The following PREX1 variants were observed in gnomAD, a reference collection of about 807,000 sequenced individuals.
PREX1 encodes the protein phosphatidylinositol 3,4,5-trisphosphate-dependent Rac exchanger 1 protein.
PREX1 carries 41 observed loss-of-function variants against 198.3 expected under a neutral mutation model. The observed-to-expected ratio is 0.21, with a 90% CI of 0.16 to 0.27. The LOEUF (loss-of-function observed/expected upper bound fraction) is 0.27. PREX1 is among the 10% of genes least tolerant of loss of function. PREX1 has a pLI of 1.00. For synonymous variants in PREX1, 843 were observed against 887.2 expected, an observed-to-expected ratio of 0.95 and a Z score of 0.89; for missense variants, 1,620 against 2,200.7, an observed-to-expected ratio of 0.74 and a Z score of 5.28.
In PREX1 at chr20:48,684,819, G is replaced by T. The variant is rs565093338; in HGVS notation, c.1335-3484C>A. Among the ~76,000 whole-genome samples the T allele has an allele frequency of 6.6e-6, 1 of 152,278 alleles. No homozygotes were observed. The highest frequency in any genetic ancestry group is 1.5e-5 in the Non-Finnish European group (1 of 68,022). Reference sequence around the variant, plus strand: ...TGCCCCTCTGACCACTCAGGCTCCAGCCACAATGGCCTCCTCCTGTTCCAC... The same window carrying T: ...TGCCCCTCTGACCACTCAGGCTCCATCCACAATGGCCTCCTCCTGTTCCAC... On this transcript the variant is annotated intron_variant, in intron 10 of 39. Coordinates refer to ENST00000371941, the MANE Select transcript of PREX1 (RefSeq NM_020820.4). The surrounding 1 kb of genome is among the most constrained non-coding windows in gnomAD (Gnocchi z 4.2).
chr20:48,860,484 G>T, the PREX1 span, among the ~76,000 whole-genome samples: 1 of 152,148 alleles, frequency 6.6e-6, no homozygotes, highest in Non-Finnish European at 1.5e-5. Context: ...TACTTAACGC[G>T]TCTGAACTGT....
chr20:48,797,884 G>C (rs1297844722), intron 1 of PREX1, among the ~76,000 whole-genome samples: 1 of 152,194 alleles, frequency 6.6e-6, no homozygotes. Context: ...CCAGTGCTCA[G>C]ACCCTCAAGA....
intron 1 of PREX1, among the ~76,000 whole-genome samples, chr20:48,795,757 C>A (rs187100158): frequency 6.6e-6 from 1 of 152,176 alleles, no homozygotes; most frequent in Non-Finnish European, 1.5e-5. Flanking sequence ...TCCAGACATA[C>A]ACATCCCATG....
At chr20:48,710,447 G>A (rs984770470) in intron 5 of PREX1, among the ~76,000 whole-genome samples, 1 of 152,156 alleles carries the variant, frequency 6.6e-6, no homozygotes, top group African/African-American at 2.4e-5. Flanking sequence ...TCAAGCTCCT[G>A]TCAAGCTCAT....
At chr20:48,693,493 A>G (rs1395572065) in intron 7 of PREX1, among the ~76,000 whole-genome samples, 2 of 152,258 alleles carry the variant, frequency 1.3e-5, no homozygotes, top group Non-Finnish European at 2.9e-5. Context: ...CCATCTATGA[A>G]GCAGAAAGCA....
chr20:48,661,387 C>T (rs1373487399), intron 15 of PREX1, among the ~76,000 whole-genome samples: 1 of 116,618 alleles, frequency 8.6e-6, no homozygotes, highest in Non-Finnish European at 1.6e-5. Flanking sequence ...CCATTGCACT[C>T]CAGCATGGGC....
chr20:48,847,371 A>AAAAAAAAAAAACAAAAC, the PREX1 span, among the ~76,000 whole-genome samples: 7 of 149,394 alleles, frequency 4.7e-5, no homozygotes, highest in African/African-American at 1.5e-4. Flanking sequence ...TTATAAAAAA[A>AAAAAAAAAAAACAAAAC]AAAAAAAAAA....
intron 3 of PREX1, among the ~76,000 whole-genome samples, chr20:48,737,169 T>A (rs2090060115): frequency 6.7e-6 from 1 of 149,200 alleles, no homozygotes; most frequent in Non-Finnish European, 1.5e-5. Flanking sequence ...CTTCATTACC[T>A]TTTTTATTGA....
chr20:48,778,288 T>C (rs2090272368), intron 1 of PREX1, among the ~76,000 whole-genome samples: 1 of 152,142 alleles, frequency 6.6e-6, no homozygotes, highest in Non-Finnish European at 1.5e-5. Flanking sequence ...TTAAGAATTA[T>C]TATGGCCAGG....
At chr20:48,869,892 A>T in the PREX1 span, among the ~76,000 whole-genome samples, 5 of 152,200 alleles carry the variant, frequency 3.3e-5, no homozygotes, top group African/African-American at 1.2e-4. Flanking sequence ...CACCTAATGC[A>T]CGCTGGGCTT....
In PREX1 at chr20:48,747,785, AG is replaced by A. The variant is rs776495954; in HGVS notation, c.291+23del. 4 of 1,599,370 alleles carry A rather than the reference AG, an allele frequency of 2.5e-6. No homozygotes were observed. In the Admixed American group the frequency reaches 5.0e-5, roughly 20 times the overall value. On this transcript the variant is annotated intron_variant, in intron 2 of 39. Coordinates refer to ENST00000371941, the MANE Select transcript of PREX1 (RefSeq NM_020820.4). ...CAAAGCAACACAGATGCTCTAGAAC[AG>A]GGGCCAGCCCCAGCGTCCACACCTT...
At chr20:48,792,725 C>T (rs1400841880) in intron 1 of PREX1, among the ~76,000 whole-genome samples, 2 of 148,642 alleles carry the variant, frequency 1.3e-5, no homozygotes, top group African/African-American at 5.0e-5. Flanking sequence ...AATGTATATC[C>T]ATATAATGGA....
intron 1 of PREX1, among the ~76,000 whole-genome samples, chr20:48,778,043 C>T (rs1335010324): frequency 6.6e-6 from 1 of 152,144 alleles, no homozygotes; most frequent in Admixed American, 6.5e-5. Context: ...GGAGAGCAGA[C>T]ATCCATCTAA....
chr20:48,745,566 C>T (rs1294637149), intron 2 of PREX1, among the ~76,000 whole-genome samples: 2 of 152,112 alleles, frequency 1.3e-5, no homozygotes, highest in African/African-American at 4.8e-5. Flanking sequence ...AGCTACAGGA[C>T]GATGTTGAAA....
At chr20:48,829,559 GGACAT>G (rs1430896298), upstream of PREX1, among the ~76,000 whole-genome samples, 3 of 152,190 alleles carry the variant, frequency 2.0e-5, no homozygotes, top group East Asian at 5.8e-4. Flanking sequence ...AGGGAGTAAA[GGACAT>G]GAGATAGGTG....
the PREX1 span, among the ~76,000 whole-genome samples, chr20:48,846,158 C>T: frequency 6.6e-6 from 1 of 152,112 alleles, no homozygotes; most frequent in Non-Finnish European, 1.5e-5. Context: ...AGAAACTTGC[C>T]TACGGTCACA....
chr20:48,662,099 C>T (rs1332106679), intron 15 of PREX1, among the ~76,000 whole-genome samples: 1 of 152,184 alleles, frequency 6.6e-6, no homozygotes, highest in Non-Finnish European at 1.5e-5. Flanking sequence ...TTTTATAGGA[C>T]ATTTCACCTG....
chr20:48,666,413 G>A lies in PREX1; in HGVS notation c.1666-58C>T. ...TGGCAGCATCCGAGAGGCCATGCAT[G>A]GCCAACGAGAAGCCCACAACCACCC... On this transcript the variant is annotated intron_variant, in intron 14 of 39. Transcript: ENST00000371941. The surrounding 1 kb of genome is among the most constrained non-coding windows in gnomAD (Gnocchi z 4.3). The A allele has an allele frequency of 1.4e-6, 2 of 1,437,540 alleles. No individual in the cohort carries two copies. The highest frequency in any genetic ancestry group is 2.0e-5 in the Admixed American group (1 of 50,812). The allele number at this position is 1,437,540 out of a possible 1,614,324, so 89.0% of individuals were successfully genotyped here.
intron 1 of PREX1, among the ~76,000 whole-genome samples, chr20:48,795,429 G>A: frequency 7.4e-6 from 1 of 134,482 alleles, no homozygotes; most frequent in Non-Finnish European, 1.6e-5. Context: ...CCCCACCCCT[G>A]AGGACATATG....
Sources: gnomAD v4.1 joint callset for allele counts (sites outside exome capture counted in the v4.1 genomes callset) on GRCh38, gnomAD v4.1.1 for gene constraint, Gnocchi (gnomAD v3.1) non-coding constraint, MANE v1.5 for transcripts, NCBI Gene and HGNC (gene_info 2026-07-23, HGNC 2026-07-21) for gene names.